ANKFY1: variants seen among roughly 807,000 people sequenced by gnomAD.
The protein encoded by ANKFY1 is ankyrin repeat and FYVE domain-containing protein 1.
ANKFY1 carries 47 observed loss-of-function variants against 128.3 expected under a neutral mutation model. The ratio of observed to expected loss-of-function variants is 0.37; its 90% CI spans 0.29 to 0.47. ANKFY1 has a LOEUF of 0.47. Ranked by LOEUF, ANKFY1 falls within the 20% of genes least tolerant of loss-of-function variation. ANKFY1 has a pLI of 1.00. For synonymous variants in ANKFY1, 553 were observed against 601.6 expected, an observed-to-expected ratio of 0.92 and a Z score of 1.18; for missense variants, 1,222 against 1,510.6, an observed-to-expected ratio of 0.81 and a Z score of 3.17.
At chr17:4,226,819 G>A (rs2060434529) in intron 3 of ANKFY1, among the ~76,000 whole-genome samples, 1 of 150,556 alleles carries the variant, frequency 6.6e-6, no homozygotes, top group Admixed American at 6.6e-5. Flanking sequence ...CTCATTCTTT[G>A]AGAAGATAAT....
chr17:4,196,849 C>T (rs542823391), intron 8 of ANKFY1, among the ~76,000 whole-genome samples: 18 of 152,278 alleles, frequency 1.2e-4, no homozygotes, highest in Non-Finnish European at 2.4e-4. Context: ...AGCTCGAAAA[C>T]TGGCTCACGC....
rs1446521218 is a variant in ANKFY1, at chr17:4,164,557, G to T, written c.*3222C>A. 6.6e-6 allele frequency: 1 copy of T among 152,262 alleles called. No individual in the cohort carries two copies. The highest frequency in any genetic ancestry group is 2.4e-5 in the African/African-American group (1 of 41,458). The allele number at this position is 152,262 out of a possible 1,614,324, so 9.4% of individuals were successfully genotyped here. A position where few individuals can be genotyped will look rare whatever the true frequency, so the allele number is the denominator to read the frequency against. On this transcript the variant is annotated 3_prime_UTR_variant, in exon 25 of 25. Coordinates refer to ENST00000341657, the MANE Select transcript of ANKFY1 (RefSeq NM_001330063.2). ...TGTCATGGAAACATTACCCTTCCTT[G>T]TTCCTGCTACTGTCACCTGGGAAGT...
chr17:4,234,455 A>T (rs1269871581), intron 3 of ANKFY1, among the ~76,000 whole-genome samples: 1 of 152,200 alleles, frequency 6.6e-6, no homozygotes, highest in Non-Finnish European at 1.5e-5. Context: ...TACACAAAAA[A>T]ATGTGACATA....
rs144891924 is a variant in ANKFY1, at chr17:4,163,863, T to C, written c.*3916A>G. Reference sequence around the variant, plus strand: ...TTAATGCTTATTGGTACTTCTGCATTAGAAGTAACTACAAATGTCTTATTA... The same window carrying C: ...TTAATGCTTATTGGTACTTCTGCATCAGAAGTAACTACAAATGTCTTATTA... On this transcript the variant is annotated 3_prime_UTR_variant, in exon 25 of 25. Coordinates refer to ENST00000341657, the MANE Select transcript of ANKFY1 (RefSeq NM_001330063.2). 275 of 152,804 alleles carry C rather than the reference T, an allele frequency of 1.8e-3. No homozygotes were observed. The highest frequency in any genetic ancestry group is 6.8e-3 in the Middle Eastern group (2 of 294). 9.5% of individuals were successfully genotyped at this position (152,804 alleles called of 1,614,324 possible).
chr17:4,181,439 T>G lies in ANKFY1; in HGVS notation c.2122-67A>C, dbSNP rs771121324. 2.8e-6 allele frequency: 3 copies of G among 1,088,132 alleles called. No homozygotes were observed. Among genetic ancestry groups the G allele is most frequent in the Non-Finnish European group, 4.3e-6 (3 of 702,054 alleles). The allele number at this position is 1,088,132 out of a possible 1,614,324, so 67.4% of individuals were successfully genotyped here. ...AGGCAAACAGTTTTATTACCAAGTC[T>G]GAGCTCTATGTATAGCATTAAATCC... On this transcript the variant is annotated intron_variant, in intron 15 of 24. Transcript: ENST00000341657. The surrounding 1 kb of genome is among the most constrained non-coding windows in gnomAD (Gnocchi z 4.9).
chr17:4,194,142 C>G (rs1335212556), intron 10 of ANKFY1, among the ~76,000 whole-genome samples: 2 of 107,134 alleles, frequency 1.9e-5, no homozygotes, highest in African/African-American at 7.8e-5. Context: ...GAGTTTCAGT[C>G]TCCTCACCCA....
rs1396048960 is a variant in ANKFY1 at position 4,181,893 on chromosome 17, G to A, written c.2121+288C>T. Reference sequence around the variant, plus strand: ...AGGAAATTATCACTATGGTGATAATGAGGACACCCCATAGCAAATCAACCA... The same window carrying A: ...AGGAAATTATCACTATGGTGATAATAAGGACACCCCATAGCAAATCAACCA... On this transcript the variant is annotated intron_variant, in intron 15 of 24. Coordinates refer to ENST00000341657, the MANE Select transcript of ANKFY1 (RefSeq NM_001330063.2). The surrounding 1 kb of genome is among the most constrained non-coding windows in gnomAD (Gnocchi z 4.9). Among the ~76,000 whole-genome samples the A allele has an allele frequency of 1.3e-5, 2 of 152,172 alleles. No homozygotes were observed. Among genetic ancestry groups the A allele is most frequent in the Non-Finnish European group, 2.9e-5 (2 of 68,044 alleles).
intron 19 of ANKFY1, 27 bp downstream of exon 19, chr17:4,177,099 T>C: frequency 1.3e-6 from 2 of 1,536,386 alleles, no homozygotes; most frequent in Admixed American, 2.0e-5. Flanking sequence ...AACATATTAT[T>C]ACATGCAATA....
intron 3 of ANKFY1, among the ~76,000 whole-genome samples, chr17:4,217,685 TA>T (rs1263876840): frequency 3.3e-5 from 5 of 151,966 alleles, no homozygotes; most frequent in East Asian, 1.9e-4. Context: ...GAATTAACAT[TA>T]TTTTTTTTTT....
intron 7 of ANKFY1, among the ~76,000 whole-genome samples, chr17:4,202,716 A>AG (rs1346091151): frequency 2.0e-5 from 3 of 150,020 alleles, no homozygotes; most frequent in Admixed American, 1.3e-4. Flanking sequence ...AAAAAAAAAA[A>AG]AAAGAGAGAT....
intron 24 of ANKFY1, chr17:4,168,766 T>A: frequency 1.3e-5 from 2 of 155,806 alleles, no homozygotes; most frequent in Non-Finnish European, 2.9e-5. Flanking sequence ...CGCCTGCCTC[T>A]GCCTCCCAAA....
intron 3 of ANKFY1, chr17:4,222,745 T>C: frequency 1.0e-6 from 1 of 975,290 alleles, no homozygotes; most frequent in Non-Finnish European, 1.7e-6. Context: ...GTAATATTTC[T>C]CGTAGCAATA....
chr17:4,170,710 C>G lies in ANKFY1; in HGVS notation c.3286+5G>C. ...CACTGTGAGAGCAGAGAGCGGGCCACTCACCCAGCAGTCGGAACAGGAGCT... is the reference window on the plus strand; with the variant it reads ...CACTGTGAGAGCAGAGAGCGGGCCAGTCACCCAGCAGTCGGAACAGGAGCT... On this transcript the variant is annotated splice_donor_5th_base_variant and intron_variant, in intron 23 of 24. Coordinates refer to ENST00000341657, the MANE Select transcript of ANKFY1 (RefSeq NM_001330063.2). 1 of 1,605,884 alleles carries G rather than the reference C, an allele frequency of 6.2e-7. No homozygotes were observed. The highest frequency in any genetic ancestry group is 8.5e-7 in the Non-Finnish European group (1 of 1,175,682).
chr17:4,216,344 C>T (rs1305436427), intron 4 of ANKFY1, among the ~76,000 whole-genome samples: 1 of 152,236 alleles, frequency 6.6e-6, no homozygotes, highest in Non-Finnish European at 1.5e-5. Context: ...AGCTGATTAC[C>T]AAGAGCCACA....
At chr17:4,197,602 C>G in intron 7 of ANKFY1, 25 bp from the exon 8 acceptor site, 3 of 1,607,780 alleles carry the variant, frequency 1.9e-6, no homozygotes, top group Non-Finnish European at 2.6e-6. Context: ...ATAGAAGAAA[C>G]AGTGTCAGGG....
At chr17:4,257,889 G>A (rs1968205593) in intron 1 of ANKFY1, among the ~76,000 whole-genome samples, 1 of 152,168 alleles carries the variant, frequency 6.6e-6, no homozygotes, top group African/African-American at 2.4e-5. Context: ...GGAGATTCTG[G>A]GGACATAGCA....
chr17:4,170,044 A>G (rs1002923683), intron 23 of ANKFY1, among the ~76,000 whole-genome samples: 6 of 152,214 alleles, frequency 3.9e-5, no homozygotes, highest in African/African-American at 1.4e-4. Context: ...GGCCAAGTGC[A>G]CGGCAGAGGG....
chr17:4,181,099 T>C lies in ANKFY1; in HGVS notation c.2240+155A>G. On this transcript the variant is annotated intron_variant, in intron 16 of 24. Transcript: ENST00000341657. The surrounding 1 kb of genome is among the most constrained non-coding windows in gnomAD (Gnocchi z 4.9). Reference sequence around the variant, plus strand: ...CAAGTGAGCCTGGCTCCTGGCTGACTTGACATGACAGAACAGTGACTCTCT... The same window carrying C: ...CAAGTGAGCCTGGCTCCTGGCTGACCTGACATGACAGAACAGTGACTCTCT... 4.9e-6 allele frequency: 3 copies of C among 613,890 alleles called. No individual in the cohort carries two copies. Among genetic ancestry groups the C allele is most frequent in the Non-Finnish European group, 8.6e-6 (3 of 348,022 alleles). 38.0% of individuals were successfully genotyped at this position (613,890 alleles called of 1,614,324 possible). A position where few individuals can be genotyped will look rare whatever the true frequency, so the allele number is the denominator to read the frequency against.
intron 7 of ANKFY1, among the ~76,000 whole-genome samples, chr17:4,200,353 G>A (rs1426795920): frequency 5.3e-5 from 8 of 151,964 alleles, no homozygotes; most frequent in South Asian, 2.1e-4. Context: ...CGTGAGCCAC[G>A]GCACCTGGCC....
Sources: gnomAD v4.1 joint callset for allele counts (sites outside exome capture counted in the v4.1 genomes callset) on GRCh38, gnomAD v4.1.1 for gene constraint, Gnocchi (gnomAD v3.1) non-coding constraint, MANE v1.5 for transcripts, NCBI Gene and HGNC (gene_info 2026-07-23, HGNC 2026-07-21) for gene names.